Variants in KRAS observed in about 807,000 individuals in gnomAD.
The protein encoded by KRAS is KRas proto-oncogene, GTPase, also known as GTPase KRas.
A neutral mutation model predicts 21.0 loss-of-function variants in KRAS; 1 was observed. The ratio of observed to expected loss-of-function variants is 0.05; its 90% confidence interval spans 0.02 to 0.23. The LOEUF (loss-of-function observed/expected upper bound fraction) is 0.23, where lower values mean the gene tolerates loss of function less well. KRAS is among the 10% of genes least tolerant of loss of function. The pLI, the probability that KRAS is intolerant of heterozygous loss-of-function variation, is 1.00. For missense variants in KRAS, 107 were observed against 221.8 expected (o/e 0.48, Z 3.29); for synonymous variants, 67 against 72.5 (o/e 0.92, Z 0.39).
intron 1 of KRAS, among the ~76,000 whole-genome samples, chr12:25,248,030 A>G (rs180731821): frequency 0.015 from 2,279 of 150,066 alleles, 42 homozygotes; most frequent in Middle Eastern, 0.072. Flanking sequence ...TTAATCCTGG[A>G]TTTTTTTTTT....
intron 4 of KRAS, among the ~76,000 whole-genome samples, chr12:25,217,564 T>A (rs1951269777): frequency 6.6e-6 from 1 of 152,202 alleles, no homozygotes; most frequent in South Asian, 2.1e-4. Context: ...AGTTAACTAG[T>A]TAGCTAAGCC....
At chr12:25,217,038 A>G (rs958139790) in intron 4 of KRAS, among the ~76,000 whole-genome samples, 3 of 152,198 alleles carry the variant, frequency 2.0e-5, no homozygotes, top group Non-Finnish European at 4.4e-5. Context: ...TGGCATACAT[A>G]TTTTAGCTTT....
At chr12:25,212,468 C>T (rs1204697243) in intron 4 of KRAS, among the ~76,000 whole-genome samples, 1 of 152,078 alleles carries the variant, frequency 6.6e-6, no homozygotes. Context: ...CTCACACCTA[C>T]AGTCACAGCA....
chr12:25,222,979 A>C (rs1951346816), intron 4 of KRAS, among the ~76,000 whole-genome samples: 1 of 152,206 alleles, frequency 6.6e-6, no homozygotes, highest in South Asian at 2.1e-4. Context: ...AAGTACCAAG[A>C]AAAATACCAC....
intron 2 of KRAS, among the ~76,000 whole-genome samples, chr12:25,231,187 C>T (rs1473710870): frequency 1.4e-4 from 21 of 150,058 alleles, no homozygotes; most frequent in South Asian, 8.5e-4. Context: ...CTGCAACCTC[C>T]GCCTCCCAGG....
rs61764370 is a variant in KRAS at position 25,207,290 on chromosome 12, A to C, written c.*2505T>G. ...CAGGTTTATGAGGCCAAGGTGGGTG[A>C]ATCACTTGAGGTCAGGAGTTCGAGA... On this transcript the variant is annotated 3_prime_UTR_variant, in exon 5 of 5. Transcript: ENST00000311936. 0.064 allele frequency: 12,572 copies of C among 195,932 alleles called. 528 individuals carry two copies. The highest frequency in any genetic ancestry group is 0.093 in the Non-Finnish European group (8,799 of 94,280). The allele number at this position is 195,932 out of a possible 1,614,324, so 12.1% of individuals were successfully genotyped here.
In KRAS at chr12:25,225,286, T is replaced by TTATTTTTATATATATATATATA. The variant is rs1486092988; in HGVS notation, c.450+327_450+328insTATATATATATATATAAAAATA. The TTATTTTTATATATATATATATA allele has an allele frequency of 4.7e-4, 5 of 10,624 alleles. 1 individual carries two copies. Among genetic ancestry groups the TTATTTTTATATATATATATATA allele is most frequent in the African/African-American group, 9.1e-4 (2 of 2,190 alleles). 0.7% of individuals were successfully genotyped at this position (10,624 alleles called of 1,614,324 possible). A position where few individuals can be genotyped will look rare whatever the true frequency, so the allele number is the denominator to read the frequency against. On this transcript the variant is annotated intron_variant, in intron 4 of 4. Transcript: ENST00000311936. ...ACGCAAAAATTTGTTGCCCTGTTCTTTATATATATATATATATATATATAT... is the reference window on the plus strand; with the variant it reads ...ACGCAAAAATTTGTTGCCCTGTTCTTTATTTTTATATATATATATATATATATATATATATATATATATATAT...
chr12:25,247,561 T>C (rs1951700352), intron 1 of KRAS, among the ~76,000 whole-genome samples: 1 of 152,200 alleles, frequency 6.6e-6, no homozygotes, highest in African/African-American at 2.4e-5. Flanking sequence ...ATGTATCTTC[T>C]AGCTCTCTGC....
At chr12:25,221,389 C>T (rs1316674753) in intron 4 of KRAS, among the ~76,000 whole-genome samples, 3 of 152,036 alleles carry the variant, frequency 2.0e-5, no homozygotes, top group East Asian at 1.9e-4. Flanking sequence ...CCCGCCACCA[C>T]GCCTGGCTAA....
intron 4 of KRAS, among the ~76,000 whole-genome samples, chr12:25,216,502 T>C (rs1353019545): frequency 6.6e-6 from 1 of 152,158 alleles, no homozygotes; most frequent in Non-Finnish European, 1.5e-5. Flanking sequence ...CTCAAACTCC[T>C]GAGCACAAGT....
rs1403549689 is a variant in KRAS, at chr12:25,247,396, CCCCGCCTTACTCTGCTCTACCTAGA to C, written c.-11-2026_-11-2002del. On this transcript the variant is annotated intron_variant, in intron 1 of 4. Transcript: ENST00000311936. ...TATCACACACGGTCACGGCATAGTT[CCCCGCCTTACTCTGCTCTACCTAGA>C]CTTATTGGCTGCTTGTCTAGGGTGA... 3.3e-5 allele frequency among the ~76,000 whole-genome samples: 5 copies of C among 152,304 alleles called. No homozygotes were observed. In the Middle Eastern group the frequency reaches 0.014, roughly 414 times the overall value.
At chr12:25,246,910 G>A (rs1470239578) in intron 1 of KRAS, among the ~76,000 whole-genome samples, 1 of 124,236 alleles carries the variant, frequency 8.0e-6, no homozygotes, top group Non-Finnish European at 1.7e-5. Flanking sequence ...GAGCCACTCC[G>A]TCTCAAAAAA....
intron 1 of KRAS, among the ~76,000 whole-genome samples, chr12:25,245,612 C>T (rs1416173890): frequency 6.6e-6 from 1 of 152,188 alleles, no homozygotes; most frequent in South Asian, 2.1e-4. Context: ...CCTCCATCGA[C>T]GCTTAAGAAA....
intron 4 of KRAS, chr12:25,215,093 A>T: frequency 6.9e-6 from 1 of 145,958 alleles, no homozygotes; most frequent in Non-Finnish European, 1.2e-5. Flanking sequence ...CTCCCTACTA[A>T]AAAAAAAAAA....
Position 25,208,516 on chromosome 12 carries a change from T to G in KRAS, c.*1279A>C, listed in dbSNP as rs1349813939. 1 of 232,656 alleles carries G rather than the reference T, an allele frequency of 4.3e-6. No individual in the cohort carries two copies. The highest frequency in any genetic ancestry group is 2.2e-5 in the African/African-American group (1 of 45,354). The allele number at this position is 232,656 out of a possible 1,614,324, so 14.4% of individuals were successfully genotyped here. A position where few individuals can be genotyped will look rare whatever the true frequency, so the allele number is the denominator to read the frequency against. ...TTCACTTCATTGTTTAAAAAAAAAA[T>G]TAATGTCTTGGCACACCACCACCCC... On this transcript the variant is annotated 3_prime_UTR_variant, in exon 5 of 5. Coordinates refer to ENST00000311936, the MANE Select transcript of KRAS (RefSeq NM_004985.5).
chr12:25,211,121 C>T (rs1951196698), intron 4 of KRAS: 1 of 152,128 alleles, frequency 6.6e-6, no homozygotes, highest in African/African-American at 2.4e-5. Flanking sequence ...AAATACCCAA[C>T]ACATTAAGTT....
intron 4 of KRAS, among the ~76,000 whole-genome samples, chr12:25,221,024 CAAAAAAA>C (rs67015511): frequency 2.4e-5 from 2 of 84,802 alleles, no homozygotes; most frequent in Admixed American, 1.5e-4. Flanking sequence ...GACTCTGCCT[CAAAAAAA>C]AAAAAAAAAA....
intron 4 of KRAS, among the ~76,000 whole-genome samples, chr12:25,219,473 C>A (rs1261598534): frequency 1.3e-5 from 2 of 152,158 alleles, no homozygotes. Context: ...CTAAATCTTG[C>A]TAGACTATGC....
At position 25,245,268 on chromosome 12, in the gene KRAS, A is replaced by G. The variant is rs748695743; in HGVS notation, c.111+6T>C. 6.2e-7 allele frequency: 1 copy of G among 1,601,416 alleles called. No individual in the cohort carries two copies. Among genetic ancestry groups the G allele is most frequent in the Non-Finnish European group, 8.5e-7 (1 of 1,172,104 alleles). On this transcript the variant is annotated splice_donor_region_variant and intron_variant, in intron 2 of 4. Coordinates refer to ENST00000311936, the MANE Select transcript of KRAS (RefSeq NM_004985.5). Reference sequence around the variant, plus strand: ...CCAGTAATATGCATATTAAAACAAGATTTACCTCTATTGTTGGATCATATT... The same window carrying G: ...CCAGTAATATGCATATTAAAACAAGGTTTACCTCTATTGTTGGATCATATT...
Sources: allele counts gnomAD v4.1 joint callset (sites outside exome capture counted in the v4.1 genomes callset), GRCh38; gene constraint gnomAD v4.1.1; transcripts MANE v1.5; gene names NCBI Gene and HGNC (gene_info 2026-07-23, HGNC 2026-07-21).